The following PHF21A variants were observed in gnomAD, a reference collection of about 807,000 sequenced individuals.
PHF21A encodes the protein PHD finger protein 21A.
In PHF21A, 11 loss-of-function variants were observed where a neutral mutation model predicts 82.5. The observed-to-expected ratio is 0.13, with a 90% CI of 0.08 to 0.22. The LOEUF is 0.22. Among genes scored for constraint, PHF21A ranks in the 10% least tolerant of loss-of-function variants. PHF21A has a pLI of 1.00. For synonymous variants in PHF21A, 297 were observed against 302.8 expected (o/e 0.98, Z 0.20); for missense variants, 579 against 837.8 (o/e 0.69, Z 3.81).
intron 5 of PHF21A, among the ~76,000 whole-genome samples, chr11:46,078,603 T>G (rs1177624214): frequency 4.6e-5 from 7 of 152,148 alleles, no homozygotes; most frequent in African/African-American, 1.7e-4. Flanking sequence ...TGTTAGAAAG[T>G]AACATAAGGT....
At chr11:46,104,785 A>G (rs2097135881) in intron 1 of PHF21A, among the ~76,000 whole-genome samples, 1 of 152,206 alleles carries the variant, frequency 6.6e-6, no homozygotes, top group Non-Finnish European at 1.5e-5. Flanking sequence ...AGATGAAGAA[A>G]CTGAAGTCCC....
Position 45,934,066 on chromosome 11 carries a change from A to G in PHF21A, c.1948T>C (p.Cys650Arg). The G allele has an allele frequency of 6.2e-7, 1 of 1,613,900 alleles. No homozygotes were observed. The highest frequency in any genetic ancestry group is 1.7e-5 in the Admixed American group (1 of 59,990). Reference protein sequence around the residue: ...TVGAISNGPDCTPPANAATST... With the variant: ...TVGAISNGPDRTPPANAATST... ...GTGGCGGCATTGGCAGGGGGGGTGC[A>G]GTCCGGGCCATTGGAGATGGCCCCC... The change falls in exon 19 of 19, where the codon TGC (cysteine) becomes CGC (arginine). Residue 650 changes from cysteine (C) to arginine (R), a missense_variant. Physicochemically the swap from Cys to Arg is radical, Grantham distance 180. Transcript: ENST00000676320.
intron 9 of PHF21A, among the ~76,000 whole-genome samples, chr11:45,969,226 A>G (rs943827423): frequency 6.6e-6 from 1 of 152,166 alleles, no homozygotes; most frequent in Admixed American, 6.5e-5. Flanking sequence ...AAATCTTGAC[A>G]TTTTGCACTG....
Position 45,932,430 on chromosome 11 carries a change from G to A in PHF21A, c.*1538C>T, listed in dbSNP as rs1034776112. 5.3e-5 allele frequency: 8 copies of A among 152,244 alleles called. No homozygotes were observed. Among genetic ancestry groups the A allele is most frequent in the African/African-American group, 1.9e-4 (8 of 41,452 alleles). The allele number at this position is 152,244 out of a possible 1,614,324, so 9.4% of individuals were successfully genotyped here. ...AAGAAGAGAGCACGGTCTTTTCTGAGGAGAGAGAAGGGTGGGGAGCTCCGC... is the reference window on the plus strand; with the variant it reads ...AAGAAGAGAGCACGGTCTTTTCTGAAGAGAGAGAAGGGTGGGGAGCTCCGC... On this transcript the variant is annotated 3_prime_UTR_variant, in exon 19 of 19. Coordinates refer to ENST00000676320, the MANE Select transcript of PHF21A (RefSeq NM_001352027.3). The surrounding 1 kb of genome is among the most constrained non-coding windows in gnomAD (Gnocchi z 4.3).
chr11:46,040,931 A>G (rs780919922), intron 6 of PHF21A, among the ~76,000 whole-genome samples: 370 of 113,724 alleles, frequency 3.3e-3, no homozygotes, highest in Middle Eastern at 4.8e-3. Flanking sequence ...ACACACACAC[A>G]CACGCACGCA....
At chr11:46,110,963 T>G (rs2097206580) in intron 1 of PHF21A, among the ~76,000 whole-genome samples, 1 of 151,626 alleles carries the variant, frequency 6.6e-6, no homozygotes, top group African/African-American at 2.4e-5. Flanking sequence ...TTTTCTATTT[T>G]CAGTAGAGAT....
At chr11:46,028,722 C>A (rs913588731) in intron 6 of PHF21A, among the ~76,000 whole-genome samples, 5 of 151,676 alleles carry the variant, frequency 3.3e-5, no homozygotes, top group Non-Finnish European at 7.4e-5. Context: ...TACAGGCGCC[C>A]GCCACCACGC....
intron 6 of PHF21A, among the ~76,000 whole-genome samples, chr11:46,063,505 T>C (rs1380522301): frequency 6.6e-6 from 1 of 152,200 alleles, no homozygotes; most frequent in Non-Finnish European, 1.5e-5. Context: ...GATTGTGTTC[T>C]AATAATTTTA....
chr11:45,981,050 G>A (rs766199078), intron 6 of PHF21A, among the ~76,000 whole-genome samples: 10 of 152,086 alleles, frequency 6.6e-5, no homozygotes, highest in Non-Finnish European at 1.0e-4. Context: ...AGCCCCATGA[G>A]TGCAGGGGCT....
intron 1 of PHF21A, chr11:46,119,744 G>GA (rs60856235): frequency 0.79 from 110,521 of 139,868 alleles, 43,746 homozygotes; most frequent in East Asian, 0.99. Flanking sequence ...GTGGTCAGGG[G>GA]AAAAAAAAAA....
At chr11:45,963,690 G>A (rs1289152869) in intron 10 of PHF21A, among the ~76,000 whole-genome samples, 1 of 152,020 alleles carries the variant, frequency 6.6e-6, no homozygotes, top group Non-Finnish European at 1.5e-5. Context: ...ATCAAAAAAA[G>A]AGGTAAAGAG....
At chr11:45,937,982 C>T (rs1445362988) in intron 16 of PHF21A, among the ~76,000 whole-genome samples, 175 bp downstream of exon 16, 5 of 152,202 alleles carry the variant, frequency 3.3e-5, no homozygotes, top group Non-Finnish European at 4.4e-5. Context: ...TGGCAGAGGG[C>T]TTCTGAGGGA....
chr11:45,992,882 G>A (rs1440143240), intron 6 of PHF21A, among the ~76,000 whole-genome samples: 1 of 152,206 alleles, frequency 6.6e-6, no homozygotes, highest in Non-Finnish European at 1.5e-5. Context: ...ACATAAGACT[G>A]ACACAAGGAT....
At chr11:45,968,414 G>A (rs1014399101) in intron 9 of PHF21A, among the ~76,000 whole-genome samples, 4 of 152,198 alleles carry the variant, frequency 2.6e-5, no homozygotes, top group African/African-American at 9.7e-5. Context: ...GCCTGCATGA[G>A]CCACATGGCC....
intron 1 of PHF21A, chr11:46,117,291 T>C (rs554542336): frequency 2.2e-4 from 33 of 152,364 alleles, no homozygotes; most frequent in African/African-American, 7.2e-4. Context: ...CACAGTGGCA[T>C]GATATTTTCA....
chr11:45,934,956 A>G (rs2088504289), intron 18 of PHF21A: 2 of 447,682 alleles, frequency 4.5e-6, no homozygotes, highest in South Asian at 1.7e-5. Context: ...ACCAAGTACA[A>G]GGCACCACCT....
rs1221087498 is a variant in PHF21A at position 45,940,666 on chromosome 11, G to T, written c.1453-2354C>A. Among the ~76,000 whole-genome samples the T allele has an allele frequency of 4.9e-5, 2 of 41,228 alleles. 1 individual carries two copies. The highest frequency in any genetic ancestry group is 1.2e-4 in the Non-Finnish European group (2 of 16,486). The allele number at this position is 41,228 out of a possible 152,430, so 27.0% of individuals were successfully genotyped here. A position where few individuals can be genotyped will look rare whatever the true frequency, so the allele number is the denominator to read the frequency against. On this transcript the variant is annotated intron_variant, in intron 15 of 18. Coordinates refer to ENST00000676320, the MANE Select transcript of PHF21A (RefSeq NM_001352027.3). ...TTTTCTTCCTTCATTATTAAAATCA[G>T]GCTGAGGGCTACTCTTTTCCTCTAG...
chr11:46,071,699 A>G (rs989840910), intron 6 of PHF21A, among the ~76,000 whole-genome samples: 14 of 150,600 alleles, frequency 9.3e-5, no homozygotes, highest in Non-Finnish European at 1.6e-4. Flanking sequence ...TTCATATAAA[A>G]GGGTATATCT....
At chr11:46,027,444 T>A (rs1037609035) in intron 6 of PHF21A, among the ~76,000 whole-genome samples, 1 of 152,206 alleles carries the variant, frequency 6.6e-6, no homozygotes, top group Non-Finnish European at 1.5e-5. Context: ...AGAAATTGCC[T>A]TTATAAAGGC....
Sources: gnomAD v4.1 joint callset for allele counts (sites outside exome capture counted in the v4.1 genomes callset) on GRCh38, gnomAD v4.1.1 for gene constraint, Gnocchi (gnomAD v3.1) non-coding constraint, MANE v1.5 for transcripts, NCBI Gene and HGNC (gene_info 2026-07-23, HGNC 2026-07-21) for gene names.